Variants in NME7 observed in about 807,000 individuals in gnomAD.
NME7 encodes nucleoside diphosphate kinase 7.
Under a neutral mutation model 49.1 loss-of-function variants are expected in NME7, and 41 were observed. The ratio of observed to expected loss-of-function variants is 0.83; its 90% CI spans 0.65 to 1.08. NME7 has a LOEUF of 1.08. Among genes scored for constraint, NME7 ranks in the 50% least tolerant of loss-of-function variants. NME7 has a pLI of 0.00. For synonymous variants in NME7, 139 were observed against 150.6 expected (o/e 0.92, Z 0.56); for missense variants, 423 against 463.4 (o/e 0.91, Z 0.80).
intron 7 of NME7, among the ~76,000 whole-genome samples, chr1:169,281,307 C>G (rs1184719037): frequency 2.0e-5 from 3 of 152,092 alleles, no homozygotes; most frequent in Admixed American, 6.5e-5. Flanking sequence ...GATTTTGTAT[C>G]CTGAGACTTT....
intron 10 of NME7, among the ~76,000 whole-genome samples, chr1:169,212,398 T>G (rs1222911008): frequency 6.6e-6 from 1 of 152,052 alleles, no homozygotes; most frequent in Non-Finnish European, 1.5e-5. Context: ...TTTGTGAATT[T>G]ACCTACTCAC....
chr1:169,317,705 C>A (rs577003975), intron 3 of NME7, among the ~76,000 whole-genome samples: 1 of 152,302 alleles, frequency 6.6e-6, no homozygotes, highest in South Asian at 2.1e-4. Context: ...TTCATCTGGT[C>A]TGTTCCCCGA....
At chr1:169,318,676 C>T (rs1651744159) in intron 3 of NME7, among the ~76,000 whole-genome samples, 1 of 152,082 alleles carries the variant, frequency 6.6e-6, no homozygotes, top group Non-Finnish European at 1.5e-5. Context: ...AAAGCTTAAA[C>T]ATATGGTTTT....
At chr1:169,171,442 A>T (rs151273779) in intron 10 of NME7, among the ~76,000 whole-genome samples, 1 of 152,194 alleles carries the variant, frequency 6.6e-6, no homozygotes, top group Non-Finnish European at 1.5e-5. Flanking sequence ...TGTCTGCTAC[A>T]TGCACAGCAC....
intron 1 of NME7, among the ~76,000 whole-genome samples, chr1:169,343,587 G>A (rs1275424040): frequency 1.3e-5 from 2 of 151,536 alleles, no homozygotes; most frequent in African/African-American, 4.9e-5. Flanking sequence ...TGCCTCCCCA[G>A]TTCAAGCAAT....
chr1:169,195,277 T>C (rs1455605140), intron 10 of NME7, among the ~76,000 whole-genome samples: 2 of 152,182 alleles, frequency 1.3e-5, no homozygotes, highest in Non-Finnish European at 2.9e-5. Context: ...CCAGGCACAA[T>C]CATAGCTCAC....
intron 11 of NME7, among the ~76,000 whole-genome samples, chr1:169,162,335 T>C (rs1003254497): frequency 6.6e-6 from 1 of 152,118 alleles, no homozygotes; most frequent in African/African-American, 2.4e-5. Context: ...AATTAAATAT[T>C]TTATATGCTT....
At chr1:169,255,301 C>A (rs1041123798) in intron 7 of NME7, among the ~76,000 whole-genome samples, 1 of 138,212 alleles carries the variant, frequency 7.2e-6, no homozygotes, top group African/African-American at 2.6e-5. Context: ...TGAATTGATC[C>A]CTTTACCATT....
intron 7 of NME7, among the ~76,000 whole-genome samples, chr1:169,238,494 C>CAT (rs71299492): frequency 0.24 from 36,268 of 150,296 alleles, 5,282 homozygotes; most frequent in Non-Finnish European, 0.34. Context: ...CACACACACA[C>CAT]ACACACACAC....
intron 11 of NME7, among the ~76,000 whole-genome samples, chr1:169,133,353 G>A (rs137867814): frequency 3.5e-4 from 54 of 152,288 alleles, no homozygotes; most frequent in African/African-American, 1.3e-3. Flanking sequence ...TTTCTGAAAC[G>A]GAAACCTTTC....
At chr1:169,331,722 C>A (rs1652263520) in intron 1 of NME7, among the ~76,000 whole-genome samples, 1 of 150,898 alleles carries the variant, frequency 6.6e-6, no homozygotes, top group Non-Finnish European at 1.5e-5. Context: ...TTACAATAGC[C>A]ACAAATAAAA....
intron 4 of NME7, among the ~76,000 whole-genome samples, chr1:169,305,992 T>C (rs1195657276): frequency 1.3e-5 from 2 of 152,226 alleles, no homozygotes; most frequent in Non-Finnish European, 2.9e-5. Context: ...TTAAGTTTTC[T>C]TGGGAATTAG....
chr1:169,239,552 T>C (rs1216626922), intron 7 of NME7, among the ~76,000 whole-genome samples: 1 of 151,946 alleles, frequency 6.6e-6, no homozygotes, highest in Non-Finnish European at 1.5e-5. Context: ...CTAAATAGCA[T>C]TTATAGAGTA....
intron 1 of NME7, among the ~76,000 whole-genome samples, chr1:169,359,845 G>A (rs1653596592): frequency 6.6e-6 from 1 of 152,064 alleles, no homozygotes; most frequent in Admixed American, 6.6e-5. Context: ...AGATGAGTCA[G>A]GAGAGAGAAC....
intron 4 of NME7, 47 bp from the exon 5 acceptor site, chr1:169,303,242 C>A (rs1466041317): frequency 1.5e-5 from 15 of 998,058 alleles, no homozygotes; most frequent in Non-Finnish European, 2.2e-5. Flanking sequence ...TAAAATTAAA[C>A]ACTTATTATT....
Position 169,292,114 on chromosome 1 carries a change from T to G in NME7, c.649-4706A>C, listed in dbSNP as rs977091239. Reference sequence around the variant, plus strand: ...AAGAAATAAGGTCTTTTCAGCATAATGCTGGAAGAATATATGTCTAAAGAA... The same window carrying G: ...AAGAAATAAGGTCTTTTCAGCATAAGGCTGGAAGAATATATGTCTAAAGAA... On this transcript the variant is annotated intron_variant, in intron 6 of 11. Coordinates refer to ENST00000367811, the MANE Select transcript of NME7 (RefSeq NM_013330.5). 3.3e-5 allele frequency among the ~76,000 whole-genome samples: 5 copies of G among 152,158 alleles called. No individual in the cohort carries two copies. In the East Asian group the frequency reaches 9.6e-4, roughly 29 times the overall value.
At chr1:169,187,479 G>A (rs949545265) in intron 10 of NME7, among the ~76,000 whole-genome samples, 3 of 152,116 alleles carry the variant, frequency 2.0e-5, no homozygotes, top group African/African-American at 7.2e-5. Context: ...TTGCTGCACT[G>A]ATCTCTTTAT....
intron 1 of NME7, among the ~76,000 whole-genome samples, chr1:169,366,782 G>A (rs1018885845): frequency 6.6e-6 from 1 of 152,152 alleles, no homozygotes; most frequent in Non-Finnish European, 1.5e-5. Context: ...TTTGTAAAGG[G>A]AAGGTTTGAA....
At position 169,267,014 on chromosome 1, in the gene NME7, GC is replaced by G. The variant is rs1649339007; in HGVS notation, c.754+20288del. On this transcript the variant is annotated intron_variant, in intron 7 of 11. Coordinates refer to ENST00000367811, the MANE Select transcript of NME7 (RefSeq NM_013330.5). ...ACCTGGGAGGTGGAGGTTGCCGTGA[GC>G]CGAGATCATGCCACTGCACTCCAGC... 1.5e-5 allele frequency among the ~76,000 whole-genome samples: 2 copies of G among 133,240 alleles called. 1 individual carries two copies. The highest frequency in any genetic ancestry group is 3.5e-5 in the Non-Finnish European group (2 of 56,834). 87.4% of individuals were successfully genotyped at this position (133,240 alleles called of 152,430 possible).
Sources: allele counts gnomAD v4.1 joint callset (sites outside exome capture counted in the v4.1 genomes callset), GRCh38; gene constraint gnomAD v4.1.1; transcripts MANE v1.5; gene names NCBI Gene and HGNC (gene_info 2026-07-23, HGNC 2026-07-21).